The following POLD3 variants were observed in gnomAD, a reference collection of about 807,000 sequenced individuals.
The protein encoded by POLD3 is DNA polymerase delta subunit 3.
Under a neutral mutation model 58.2 loss-of-function variants are expected in POLD3, and 19 were observed. The observed-to-expected ratio is 0.33, with a 90% CI of 0.23 to 0.48. POLD3 has a LOEUF of 0.48. Among genes scored for constraint, POLD3 ranks in the 20% least tolerant of loss-of-function variants. The pLI is 0.99. For missense variants in POLD3, 504 were observed against 545.5 expected, an observed-to-expected ratio of 0.92 and a Z score of 0.76; for synonymous variants, 172 against 193.5, an observed-to-expected ratio of 0.89 and a Z score of 0.92.
At chr11:74,640,300 A>G (rs1196732005) in intron 11 of POLD3, among the ~76,000 whole-genome samples, 1 of 152,242 alleles carries the variant, frequency 6.6e-6, no homozygotes, top group Non-Finnish European at 1.5e-5. Context: ...ATAAAGGGCC[A>G]TTTAAAGGCA....
downstream of POLD3, among the ~76,000 whole-genome samples, chr11:74,647,384 C>G (rs762513694): frequency 4.7e-5 from 7 of 149,734 alleles, no homozygotes; most frequent in Non-Finnish European, 8.9e-5. Context: ...TTTACTTTAT[C>G]TTACTTCATC....
At chr11:74,595,868 C>G (rs2031231264) in intron 2 of POLD3, among the ~76,000 whole-genome samples, 1 of 152,074 alleles carries the variant, frequency 6.6e-6, no homozygotes, top group Non-Finnish European at 1.5e-5. Flanking sequence ...GGCTCAAGCC[C>G]CTGCCTTGGC....
At chr11:74,632,164 G>T (rs2032613437) in intron 9 of POLD3, among the ~76,000 whole-genome samples, 1 of 152,128 alleles carries the variant, frequency 6.6e-6, no homozygotes, top group African/African-American at 2.4e-5. Context: ...CCATTTTTAG[G>T]TAAAGGTAGG....
chr11:74,618,788 C>G lies in POLD3; in HGVS notation c.644C>G (p.Ala215Gly), dbSNP rs35730334. 1,927 of 1,611,584 alleles carry G rather than the reference C, an allele frequency of 1.2e-3. 4 individuals carry two copies. The highest frequency in any genetic ancestry group is 1.5e-3 in the Non-Finnish European group (1,793 of 1,178,088). ...ACCAACAAGGAAACGAAAACAGAGG[C>G]TAAAGAAGTAACAAATGTAAGTCTT... ...QETNKETKTE[A>G]KEVTNASAAG... is the part of the protein sequence containing the mutation. The change falls in exon 6 of 12, where the codon GCT (alanine) becomes GGT (glycine). Residue 215 changes from alanine to glycine, a missense_variant. This residue lies in a region of POLD3 where 385 missense variants were observed against 370.5 expected (regional missense o/e 1.04). Transcript: ENST00000263681.
rs553085011 is a variant in POLD3 at position 74,616,868 on chromosome 11, A to G, written c.393-1669A>G. On this transcript the variant is annotated intron_variant, in intron 5 of 11. Coordinates refer to ENST00000263681, the MANE Select transcript of POLD3 (RefSeq NM_006591.3). ...CTTTTAAGATAATTGCCATCACCAC[A>G]TAGTTTAGAAATCTCCCACCCCAAG... 2.6e-5 allele frequency among the ~76,000 whole-genome samples: 4 copies of G among 152,176 alleles called. No individual in the cohort carries two copies. The South Asian group carries it at 6.2e-4, about 24-fold the overall frequency.
chr11:74,613,332 G>C (rs994150812), intron 5 of POLD3, among the ~76,000 whole-genome samples: 9 of 151,682 alleles, frequency 5.9e-5, no homozygotes, highest in Non-Finnish European at 1.2e-4. Context: ...TCAAGAACCA[G>C]TTCAAACGTT....
intron 8 of POLD3, among the ~76,000 whole-genome samples, chr11:74,627,427 GA>G (rs1281576195): frequency 6.6e-6 from 1 of 151,514 alleles, no homozygotes; most frequent in Non-Finnish European, 1.5e-5. Context: ...TTATAAAATT[GA>G]AAATACAGTT....
At chr11:74,624,371 G>GTTT (rs2032363198) in intron 7 of POLD3, among the ~76,000 whole-genome samples, 1 of 152,178 alleles carries the variant, frequency 6.6e-6, no homozygotes, top group Non-Finnish European at 1.5e-5. Context: ...AAAAAGAAAA[G>GTTT]TATAAATAGA....
rs187645258 is a variant in POLD3 at position 74,641,602 on chromosome 11, C to G, written c.*836C>G. 7 of 985,434 alleles carry G rather than the reference C, an allele frequency of 7.1e-6. No homozygotes were observed. The highest frequency in any genetic ancestry group is 7.0e-5 in the African/African-American group (4 of 57,352). The allele number at this position is 985,434 out of a possible 1,614,324, so 61.0% of individuals were successfully genotyped here. A position where few individuals can be genotyped will look rare whatever the true frequency, so the allele number is the denominator to read the frequency against. On this transcript the variant is annotated 3_prime_UTR_variant, in exon 12 of 12. Coordinates refer to ENST00000263681, the MANE Select transcript of POLD3 (RefSeq NM_006591.3). ...TTTGTTGATCCCCTCCTCCCCCACT[C>G]TCAATACCTAGAGAGTGAAACCCGT...
At chr11:74,612,852 T>G in intron 4 of POLD3, 26 bp from the exon 5 acceptor site, 1 of 1,597,598 alleles carries the variant, frequency 6.3e-7, no homozygotes, top group African/African-American at 1.3e-5. Context: ...GTGTATTAAC[T>G]GACTGCTTTT....
At chr11:74,630,876 AGTT>A (rs531539525) in intron 9 of POLD3, among the ~76,000 whole-genome samples, 107 of 152,354 alleles carry the variant, frequency 7.0e-4, no homozygotes, top group African/African-American at 2.5e-3. Flanking sequence ...TATTCCCTAT[AGTT>A]CTGATCTGTA....
intron 7 of POLD3, among the ~76,000 whole-genome samples, chr11:74,623,675 G>A (rs958429818): frequency 7.9e-5 from 12 of 152,094 alleles, no homozygotes; most frequent in East Asian, 5.8e-4. Flanking sequence ...CAGCATTGAT[G>A]ACAAAATTTA....
intron 1 of POLD3, chr11:74,593,166 A>G: frequency 2.3e-6 from 1 of 441,826 alleles, no homozygotes; most frequent in South Asian, 7.7e-5. Flanking sequence ...TAGAGGTTTG[A>G]TCCGCTTCAC....
intron 4 of POLD3, among the ~76,000 whole-genome samples, chr11:74,659,779 G>A (rs1158863473): frequency 6.6e-6 from 1 of 152,064 alleles, no homozygotes; most frequent in African/African-American, 2.4e-5. Flanking sequence ...GAACCTTATT[G>A]TTCATATCAC....
intron 8 of POLD3, among the ~76,000 whole-genome samples, chr11:74,628,211 G>C (rs1165838967): frequency 6.6e-6 from 1 of 151,886 alleles, no homozygotes; most frequent in South Asian, 2.1e-4. Context: ...TTTCTTTACT[G>C]TTTCATTCCT....
chr11:74,625,374 G>A lies in POLD3; in HGVS notation c.734-34G>A, dbSNP rs1444644708. On this transcript the variant is annotated intron_variant, in intron 7 of 11. Coordinates refer to ENST00000263681, the MANE Select transcript of POLD3 (RefSeq NM_006591.3). ...AATGATGTATTAATATTGCATGATG[G>A]GGTCATATGTCGTCTGCTATACTTT... is the stretch of plus-strand genomic sequence containing the variant. The A allele has an allele frequency of 3.3e-6, 5 of 1,517,154 alleles. No homozygotes were observed. In the South Asian group the frequency reaches 3.6e-5, roughly 11 times the overall value. The allele number at this position is 1,517,154 out of a possible 1,614,324, so 94.0% of individuals were successfully genotyped here.
chr11:74,643,823 A>G (rs1013506052), downstream of POLD3, among the ~76,000 whole-genome samples: 3 of 152,250 alleles, frequency 2.0e-5, no homozygotes, highest in East Asian at 1.9e-4. Flanking sequence ...TTTTGTATCC[A>G]TGATAGTATT....
chr11:74,642,635 T>C lies in POLD3; in HGVS notation c.*1869T>C. On this transcript the variant is annotated 3_prime_UTR_variant, in exon 12 of 12. Coordinates refer to ENST00000263681, the MANE Select transcript of POLD3 (RefSeq NM_006591.3). ...TCAACTCTGAGCTGTCTGCAAGGCT[T>C]AGTAAGTATTGAGTGGTGTTTTTTT... The C allele has an allele frequency of 2.0e-6, 2 of 984,046 alleles. No homozygotes were observed. The highest frequency in any genetic ancestry group is 2.4e-6 in the Non-Finnish European group (2 of 828,860). 61.0% of individuals were successfully genotyped at this position (984,046 alleles called of 1,614,324 possible).
At chr11:74,602,573 A>T (rs1056681042) in intron 2 of POLD3, among the ~76,000 whole-genome samples, 10 of 151,700 alleles carry the variant, frequency 6.6e-5, no homozygotes, top group Admixed American at 2.0e-4. Flanking sequence ...CCCCAAACTG[A>T]GCTACCAGTC....
Sources: gnomAD v4.1 joint callset for allele counts (sites outside exome capture counted in the v4.1 genomes callset) on GRCh38, gnomAD v4.1.1 for gene constraint, gnomAD v4.1.1 regional missense constraint, MANE v1.5 for transcripts, NCBI Gene and HGNC (gene_info 2026-07-23, HGNC 2026-07-21) for gene names.